POLR1C: variants seen among roughly 807,000 people sequenced by gnomAD.
POLR1C encodes RNA polymerase I and III subunit C.
POLR1C carries 42 observed loss-of-function variants against 38.3 expected under a neutral mutation model. The ratio of observed to expected loss-of-function variants is 1.10; its 90% confidence interval spans 0.86 to 1.42. The LOEUF is 1.42. Among genes scored for constraint, POLR1C ranks in the 40% most tolerant of loss-of-function variants. The pLI, the probability that POLR1C is intolerant of heterozygous loss-of-function variation, is 0.00. For missense variants in POLR1C, 507 were observed against 450.5 expected, an observed-to-expected ratio of 1.13 and a Z score of -1.14; for synonymous variants, 163 against 163.9, an observed-to-expected ratio of 0.99 and a Z score of 0.04.
intron 10 of POLR1C, chr6:43,558,469 G>A: frequency 1.3e-6 from 2 of 1,550,056 alleles, no homozygotes; most frequent in Non-Finnish European, 1.7e-6. Flanking sequence ...TTCTGAGACT[G>A]TTGAGAGAAA....
chr6:43,548,118 G>A, intron 9 of POLR1C: 1 of 844,118 alleles, frequency 1.2e-6, no homozygotes, highest in Non-Finnish European at 1.8e-6. Context: ...AATTACAAAA[G>A]ACTGCTTTTA....
chr6:43,522,438 A>G (rs1159099855), downstream of POLR1C: 3 of 159,572 alleles, frequency 1.9e-5, no homozygotes, highest in East Asian at 3.6e-4. Flanking sequence ...GCATGAAGTC[A>G]CAGGATGTTA....
In POLR1C at chr6:43,520,306, G is replaced by C. The variant is rs1202078132; in HGVS notation, c.534G>C (p.Leu178=). ...VYTRHMTWIP[L]GNQADLFPEG... Reference sequence around the variant, plus strand: ...CCAGGCATATGACATGGATCCCCCTGGGGAACCAGGCTGATCTCTTTCCAG... The same window carrying C: ...CCAGGCATATGACATGGATCCCCCTCGGGAACCAGGCTGATCTCTTTCCAG... Residue 178 remains leucine (L), a synonymous_variant, in exon 6 of 9, where the codon CTG becomes CTC. Transcript: ENST00000642195. 5.6e-6 allele frequency: 9 copies of C among 1,612,902 alleles called. No individual in the cohort carries two copies. In the Admixed American group the frequency reaches 1.3e-4, roughly 24 times the overall value.
chr6:43,529,026 G>A, intron 8 of POLR1C: 1 of 1,210,424 alleles, frequency 8.3e-7, no homozygotes, highest in Non-Finnish European at 1.2e-6. Flanking sequence ...TAAAGGATTT[G>A]CCAGATGTCA....
At chr6:43,520,527 GC>G in intron 6 of POLR1C, 97 bp from the exon 7 acceptor site, 1 of 1,603,916 alleles carries the variant, frequency 6.2e-7, no homozygotes, top group Non-Finnish European at 8.5e-7. Context: ...CAGGTAGAAA[GC>G]CAAGAGGGTT....
chr6:43,538,943 T>C (rs1157549854), intron 9 of POLR1C: 7 of 1,333,226 alleles, frequency 5.3e-6, no homozygotes, highest in Non-Finnish European at 7.4e-6. Flanking sequence ...CTTCCAGAGG[T>C]CGGGGGTCAG....
downstream of POLR1C, chr6:43,533,654 T>C (rs566675626): frequency 2.8e-3 from 810 of 287,352 alleles, 2 homozygotes; most frequent in Non-Finnish European, 4.2e-3. Context: ...CTGGGCAACA[T>C]AGCAAGACTC....
chr6:43,526,890 C>A, intron 8 of POLR1C: 1 of 776,704 alleles, frequency 1.3e-6, no homozygotes, highest in South Asian at 1.6e-5. Context: ...CAAGAATTAG[C>A]TTCACCAATA....
intron 9 of POLR1C, among the ~76,000 whole-genome samples, chr6:43,534,776 T>C (rs1185629235): frequency 6.6e-6 from 1 of 152,186 alleles, no homozygotes; most frequent in South Asian, 2.1e-4. Flanking sequence ...GGCTGGCGAA[T>C]TACCTGAGGT....
Position 43,542,589 on chromosome 6 carries a change from G to T in POLR1C, c.*5-8379G>T, listed in dbSNP as rs369528131. Among the ~76,000 whole-genome samples the T allele has an allele frequency of 1.1e-3, 160 of 151,748 alleles. 1 individual carries two copies. The highest frequency in any genetic ancestry group is 0.01 in the East Asian group (52 of 5,138). ...CATGCCCAGCTAATTTTTTTTGTTG[G>T]TGGTGGTGGTATTTTGAGTAGAGAC... On this transcript the variant is annotated intron_variant, in intron 9 of 10. Coordinates refer to the POLR1C transcript ENST00000607635.
intron 2 of POLR1C, 80 bp from the exon 3 acceptor site, chr6:43,519,253 G>T: frequency 1.2e-6 from 1 of 847,566 alleles, no homozygotes; most frequent in African/African-American, 1.7e-5. Flanking sequence ...AATACTTGAG[G>T]GAATTATCTA....
intron 8 of POLR1C, chr6:43,527,521 C>T: frequency 1.9e-6 from 2 of 1,037,750 alleles, no homozygotes; most frequent in African/African-American, 1.6e-5. Flanking sequence ...ATCCACCATG[C>T]CCGCCGCAAA....
chr6:43,535,581 G>A (rs888426706), intron 9 of POLR1C, among the ~76,000 whole-genome samples: 12 of 151,910 alleles, frequency 7.9e-5, no homozygotes, highest in East Asian at 5.8e-4. Context: ...GAGGCCGGGC[G>A]CGGTGGATCA....
At chr6:43,557,105 G>T (rs1190794645) in intron 10 of POLR1C, among the ~76,000 whole-genome samples, 3 of 143,590 alleles carry the variant, frequency 2.1e-5, no homozygotes, top group African/African-American at 8.0e-5. Context: ...TCCAGCCTGG[G>T]CGACAGAGCA....
chr6:43,539,476 C>T, intron 9 of POLR1C: 4 of 1,577,814 alleles, frequency 2.5e-6, no homozygotes, highest in Non-Finnish European at 3.4e-6. Flanking sequence ...CCTCCAGGGA[C>T]TTGATCTTCA....
chr6:43,520,460 GA>G (rs1793095968), intron 6 of POLR1C, 33 bp downstream of exon 6: 2 of 1,612,204 alleles, frequency 1.2e-6, no homozygotes, highest in Admixed American at 1.7e-5. Flanking sequence ...TGGGAAGGGG[GA>G]TAGTTCGGTT....
At chr6:43,549,565 C>T (rs368843561) in intron 9 of POLR1C, 7 of 1,613,158 alleles carry the variant, frequency 4.3e-6, no homozygotes, top group East Asian at 2.2e-5. Context: ...CCTCACTGCC[C>T]GGGTTCTGGG....
At chr6:43,536,243 T>C (rs1032404487) in intron 9 of POLR1C, among the ~76,000 whole-genome samples, 5 of 151,870 alleles carry the variant, frequency 3.3e-5, no homozygotes, top group African/African-American at 7.3e-5. Flanking sequence ...GGTGAAACCC[T>C]GTCTCTACTA....
chr6:43,534,970 G>A (rs947554811), intron 9 of POLR1C, among the ~76,000 whole-genome samples: 5 of 152,024 alleles, frequency 3.3e-5, no homozygotes, highest in South Asian at 4.1e-4. Context: ...ACTCCAGCCT[G>A]GGCAACAGAG....
Sources: gnomAD v4.1 joint callset for allele counts (sites outside exome capture counted in the v4.1 genomes callset) on GRCh38, gnomAD v4.1.1 for gene constraint, MANE v1.5 for transcripts, NCBI Gene and HGNC (gene_info 2026-07-23, HGNC 2026-07-21) for gene names.